The following KIAA1217 variants were observed in gnomAD, a reference collection of about 807,000 sequenced individuals.
KIAA1217 encodes sickle tail protein homolog.
In KIAA1217, 88 loss-of-function variants were observed where a neutral mutation model predicts 163.9. The ratio of observed to expected loss-of-function variants is 0.54; its 90% CI spans 0.45 to 0.64. The LOEUF (loss-of-function observed/expected upper bound fraction) is 0.64, where lower values mean the gene tolerates loss of function less well. KIAA1217 is among the 30% of genes least tolerant of loss of function. The pLI is 0.00. For synonymous variants in KIAA1217, 903 were observed against 923.1 expected, an observed-to-expected ratio of 0.98 and a Z score of 0.39; for missense variants, 2,372 against 2,475.0, an observed-to-expected ratio of 0.96 and a Z score of 0.88.
intron 5 of KIAA1217, among the ~76,000 whole-genome samples, chr10:24,461,413 T>C (rs2062394016): frequency 6.6e-6 from 1 of 152,142 alleles, no homozygotes; most frequent in South Asian, 2.1e-4. Flanking sequence ...GGAGTACAGC[T>C]GCATAATCTT....
chr10:24,542,810 C>T lies in KIAA1217; in HGVS notation c.3612+40C>T, dbSNP rs556126772. ...TCTGGGTTCCGACCAATACCATGCA[C>T]ATTAAGTACCTGCCTCTGCAGATCC... On this transcript the variant is annotated intron_variant, in intron 18 of 20. Transcript: ENST00000376454. The T allele has an allele frequency of 2.5e-6, 4 of 1,611,242 alleles. No homozygotes were observed. In the South Asian group the frequency reaches 4.4e-5, roughly 18 times the overall value.
intron 2 of KIAA1217, among the ~76,000 whole-genome samples, chr10:24,172,318 A>G (rs2065669431): frequency 6.6e-6 from 1 of 152,198 alleles, no homozygotes; most frequent in Admixed American, 6.5e-5. Flanking sequence ...CTATGCCAAG[A>G]GGATATCTTT....
intron 1 of KIAA1217, among the ~76,000 whole-genome samples, chr10:23,999,949 C>T (rs964466352): frequency 1.3e-5 from 2 of 152,004 alleles, no homozygotes; most frequent in African/African-American, 4.8e-5. Context: ...AGTCTGTAGT[C>T]CCAGCTACTC....
At chr10:24,149,372 C>T (rs1168866573) in intron 2 of KIAA1217, among the ~76,000 whole-genome samples, 3 of 151,876 alleles carry the variant, frequency 2.0e-5, no homozygotes, top group Admixed American at 6.6e-5. Context: ...TTAGTAGAGA[C>T]GAGTTTCACC....
intron 5 of KIAA1217, among the ~76,000 whole-genome samples, chr10:24,462,907 G>A (rs953035232): frequency 6.6e-6 from 1 of 152,168 alleles, no homozygotes; most frequent in Non-Finnish European, 1.5e-5. Context: ...GGGTGCCGCA[G>A]ATAACTTACT....
intron 2 of KIAA1217, among the ~76,000 whole-genome samples, chr10:24,178,179 G>A (rs539280297): frequency 6.9e-4 from 105 of 152,284 alleles, no homozygotes; most frequent in African/African-American, 2.4e-3. Flanking sequence ...GAATGTTTAC[G>A]TTAATGTCAC....
At chr10:24,429,175 G>A (rs2059396569) in intron 3 of KIAA1217, among the ~76,000 whole-genome samples, 2 of 152,116 alleles carry the variant, frequency 1.3e-5, no homozygotes, top group African/African-American at 4.8e-5. Flanking sequence ...TTTGGTTTCT[G>A]AAGTTCCTGT....
At chr10:24,160,048 C>T (rs1427066047) in intron 2 of KIAA1217, among the ~76,000 whole-genome samples, 3 of 152,122 alleles carry the variant, frequency 2.0e-5, no homozygotes, top group African/African-American at 7.2e-5. Context: ...TCTGGATTCT[C>T]TAGTCTGTCC....
intron 2 of KIAA1217, among the ~76,000 whole-genome samples, chr10:24,235,585 G>A (rs1246818259): frequency 3.3e-5 from 5 of 152,168 alleles, no homozygotes; most frequent in African/African-American, 9.7e-5. Flanking sequence ...TATTTCATTA[G>A]CCTTATCAAC....
intron 2 of KIAA1217, among the ~76,000 whole-genome samples, chr10:24,266,905 C>A (rs180986363): frequency 4.6e-5 from 7 of 152,134 alleles, no homozygotes; most frequent in Non-Finnish European, 1.0e-4. Flanking sequence ...CGCTTTGGGT[C>A]GGTGCCATCT....
chr10:24,276,731 T>C (rs1239043672), intron 2 of KIAA1217, among the ~76,000 whole-genome samples: 1 of 151,638 alleles, frequency 6.6e-6, no homozygotes, highest in Non-Finnish European at 1.5e-5. Flanking sequence ...TGCCTCAGCC[T>C]CCTGAGTAGC....
intron 2 of KIAA1217, among the ~76,000 whole-genome samples, chr10:24,112,640 G>C (rs1238463337): frequency 6.6e-6 from 1 of 151,758 alleles, no homozygotes; most frequent in African/African-American, 2.4e-5. Context: ...GCTGGAGTGT[G>C]GTGGCACAAT....
intron 1 of KIAA1217, among the ~76,000 whole-genome samples, chr10:23,710,274 A>G (rs924525732): frequency 2.0e-5 from 3 of 152,186 alleles, no homozygotes; most frequent in Non-Finnish European, 4.4e-5. Flanking sequence ...AAAATTTTCC[A>G]TTAATCCTTT....
chr10:23,854,024 T>C (rs1450163753), intron 1 of KIAA1217, among the ~76,000 whole-genome samples: 3 of 152,198 alleles, frequency 2.0e-5, no homozygotes, highest in Non-Finnish European at 2.9e-5. Context: ...TCAGTTCTGC[T>C]CTGATTTTAG....
chr10:24,340,315 C>A (rs1391448921), intron 2 of KIAA1217, among the ~76,000 whole-genome samples: 1 of 152,078 alleles, frequency 6.6e-6, no homozygotes, highest in Admixed American at 6.5e-5. Flanking sequence ...GCAGCTTCTC[C>A]CATACAGTTC....
At chr10:23,820,038 C>G (rs1837546054) in intron 1 of KIAA1217, among the ~76,000 whole-genome samples, 1 of 152,160 alleles carries the variant, frequency 6.6e-6, no homozygotes, top group South Asian at 2.1e-4. Flanking sequence ...TATATGTGCA[C>G]AAATACAGAG....
chr10:23,854,770 G>T (rs1376967789), intron 1 of KIAA1217, among the ~76,000 whole-genome samples: 1 of 152,102 alleles, frequency 6.6e-6, no homozygotes, highest in African/African-American at 2.4e-5. Context: ...ATTATGTAAT[G>T]GCCTTCTTTG....
chr10:24,104,250 C>T (rs775017643), intron 2 of KIAA1217, among the ~76,000 whole-genome samples: 1 of 152,128 alleles, frequency 6.6e-6, no homozygotes, highest in South Asian at 2.1e-4. Flanking sequence ...ATTGTCAAAA[C>T]TTGGGAGCAA....
chr10:24,323,862 A>C (rs4525116), intron 2 of KIAA1217, among the ~76,000 whole-genome samples: 1 of 147,542 alleles, frequency 6.8e-6, no homozygotes. Context: ...TTTTTTTCGT[A>C]TTTCTTCTTA....
Sources: allele counts gnomAD v4.1 joint callset (sites outside exome capture counted in the v4.1 genomes callset), GRCh38; gene constraint gnomAD v4.1.1; transcripts MANE v1.5; gene names NCBI Gene and HGNC (gene_info 2026-07-23, HGNC 2026-07-21).